The following ATP6V1D variants were observed in gnomAD, a reference collection of about 807,000 sequenced individuals.
ATP6V1D encodes V-type proton ATPase subunit D.
ATP6V1D carries 20 observed loss-of-function variants against 39.4 expected under a neutral mutation model. The ratio of observed to expected loss-of-function variants is 0.51; its 90% CI spans 0.36 to 0.74. The LOEUF is 0.74. ATP6V1D is among the 30% of genes least tolerant of loss of function. The pLI, the probability that ATP6V1D is intolerant of heterozygous loss-of-function variation, is 0.00. For synonymous variants in ATP6V1D, 100 were observed against 100.5 expected (o/e 0.99, Z 0.03); for missense variants, 228 against 291.6 (o/e 0.78, Z 1.59).
chr14:67,355,370 T>G (rs2141112911), intron 1 of ATP6V1D, among the ~76,000 whole-genome samples: 1 of 148,792 alleles, frequency 6.7e-6, no homozygotes, highest in East Asian at 2.0e-4. Flanking sequence ...ATTTCTGTTC[T>G]TGCTGCCATA....
intron 5 of ATP6V1D, among the ~76,000 whole-genome samples, chr14:67,346,378 C>G (rs568315512): frequency 1.3e-5 from 2 of 152,348 alleles, no homozygotes; most frequent in East Asian, 1.9e-4. Context: ...GTGGTGCGAT[C>G]TCAGCTCACT....
chr14:67,354,266 T>C (rs541669049), intron 1 of ATP6V1D, among the ~76,000 whole-genome samples: 1 of 152,338 alleles, frequency 6.6e-6, no homozygotes, highest in South Asian at 2.1e-4. Flanking sequence ...TATTAAATCA[T>C]CATAAATGTT....
intron 7 of ATP6V1D, among the ~76,000 whole-genome samples, chr14:67,341,623 G>A (rs1363602915): frequency 1.3e-4 from 20 of 149,824 alleles, no homozygotes; most frequent in African/African-American, 3.4e-4. Context: ...GCCTCTGCCC[G>A]GCCACCCCTA....
chr14:67,338,922 T>TA (rs953887739), intron 8 of ATP6V1D, among the ~76,000 whole-genome samples, 160 bp from the exon 9 acceptor site: 41 of 151,758 alleles, frequency 2.7e-4, no homozygotes, highest in African/African-American at 9.0e-4. Context: ...TAATCCTTTT[T>TA]AAAAAACATA....
At chr14:67,359,219 T>C (rs1291832783) in intron 1 of ATP6V1D, among the ~76,000 whole-genome samples, 2 of 152,200 alleles carry the variant, frequency 1.3e-5, no homozygotes, top group Admixed American at 1.3e-4. Context: ...ACCTCTTCTA[T>C]ATCCTCAGTA....
At position 67,359,740 on chromosome 14, in the gene ATP6V1D, C is replaced by G; in HGVS notation, c.-42G>C. 1.9e-6 allele frequency: 3 copies of G among 1,612,500 alleles called. No individual in the cohort carries two copies. Among genetic ancestry groups the G allele is most frequent in the Non-Finnish European group, 2.5e-6 (3 of 1,179,368 alleles). ...CGGCTCGGGTCCCCGGCCGGGCAAC[C>G]GAGGCTGCAATAGCTCCAGAACTGG... On this transcript the variant is annotated 5_prime_UTR_variant, in exon 1 of 9. Coordinates refer to ENST00000216442, the MANE Select transcript of ATP6V1D (RefSeq NM_015994.4).
chr14:67,338,579 A>G lies in ATP6V1D; in HGVS notation c.*42T>C. On this transcript the variant is annotated 3_prime_UTR_variant, in exon 9 of 9. Transcript: ENST00000216442. ...AACCTACACACTGTGAATTAAAATG[A>G]AGCCAGTGTTAGGGTTTCTCAAAGA... 6.3e-7 allele frequency: 1 copy of G among 1,583,528 alleles called. No homozygotes were observed. Among genetic ancestry groups the G allele is most frequent in the East Asian group, 2.2e-5 (1 of 44,480 alleles).
intron 5 of ATP6V1D, among the ~76,000 whole-genome samples, chr14:67,346,599 G>C (rs1257625519): frequency 6.6e-6 from 1 of 152,242 alleles, no homozygotes; most frequent in Non-Finnish European, 1.5e-5. Flanking sequence ...GCAGGTGTGA[G>C]CCACTGTGCC....
At chr14:67,356,155 C>T (rs2085683661) in intron 1 of ATP6V1D, among the ~76,000 whole-genome samples, 1 of 152,066 alleles carries the variant, frequency 6.6e-6, no homozygotes, top group Admixed American at 6.6e-5. Flanking sequence ...TGCAGTGGCT[C>T]ACACCTGTAA....
Position 67,343,372 on chromosome 14 carries a change from C to T in ATP6V1D, c.523G>A (p.Val175Ile), listed in dbSNP as rs1383952735. The change falls in exon 7 of 9, where the codon GTC becomes ATC. Residue 175 changes from valine to isoleucine, a missense_variant and splice_region_variant. Around this residue, in one of 3 missense-constraint regions of ATP6V1D, gnomAD observed 114 missense variants for 128.3 expected, o/e 0.89. Transcript: ENST00000216442. ...GCACCTCACAGTACCTAATACTCAC[C>T]ATGTTCAATGGCATTTACACGCCTG... Reference protein sequence around the residue: ...TNRRVNAIEHVIIPRIERTLA... With the variant: ...TNRRVNAIEHIIIPRIERTLA... The T allele has an allele frequency of 6.2e-7, 1 of 1,610,254 alleles. No homozygotes were observed. Among genetic ancestry groups the T allele is most frequent in the South Asian group, 1.1e-5 (1 of 90,850 alleles).
chr14:67,349,792 C>T (rs2085644544), intron 3 of ATP6V1D, among the ~76,000 whole-genome samples: 2 of 152,202 alleles, frequency 1.3e-5, no homozygotes, highest in Non-Finnish European at 2.9e-5. Context: ...TGATTGATCT[C>T]CACCCTCTGC....
chr14:67,354,883 G>A lies in ATP6V1D; in HGVS notation c.42-1843C>T, dbSNP rs546164778. ...GGCTAGAGTGCAATGGCGCGATCTC[G>A]GCTCACTGCAACCTCTGCCTCCCAG... On this transcript the variant is annotated intron_variant, in intron 1 of 8. Coordinates refer to ENST00000216442, the MANE Select transcript of ATP6V1D (RefSeq NM_015994.4). 2.6e-5 allele frequency among the ~76,000 whole-genome samples: 4 copies of A among 152,176 alleles called. No homozygotes were observed. The South Asian group carries it at 8.3e-4, about 32-fold the overall frequency.
At chr14:67,343,546 C>T in intron 6 of ATP6V1D, 108 bp from the exon 7 acceptor site, 2 of 822,438 alleles carry the variant, frequency 2.4e-6, no homozygotes, top group Non-Finnish European at 3.9e-6. Context: ...AGAACCAAGA[C>T]AACTTCTTTT....
chr14:67,347,501 T>TA, intron 4 of ATP6V1D, 48 bp from the exon 5 acceptor site: 1 of 1,232,054 alleles, frequency 8.1e-7, no homozygotes, highest in East Asian at 3.0e-5. Flanking sequence ...TTAAGTTCTC[T>TA]CTTTTTTTTT....
chr14:67,343,580 C>A (rs2085601074), intron 6 of ATP6V1D, 142 bp from the exon 7 acceptor site: 1 of 629,328 alleles, frequency 1.6e-6, no homozygotes, highest in South Asian at 2.1e-5. Context: ...AAACAAAATT[C>A]TTAGGCTGGG....
At position 67,359,776 on chromosome 14, in the gene ATP6V1D, G is replaced by A. The variant is rs936580211; in HGVS notation, c.-78C>T. ...TAGCTCCAGAACTGGCCTCCACAGT[G>A]TCTTCCTCTACGGGAGTCAGCTGGT... On this transcript the variant is annotated 5_prime_UTR_variant, in exon 1 of 9. Coordinates refer to ENST00000216442, the MANE Select transcript of ATP6V1D (RefSeq NM_015994.4). 6.5e-7 allele frequency: 1 copy of A among 1,542,492 alleles called. No individual in the cohort carries two copies. The highest frequency in any genetic ancestry group is 1.4e-5 in the African/African-American group (1 of 73,554).
chr14:67,359,691 C>G lies in ATP6V1D; in HGVS notation c.8G>C (p.Gly3Ala). 5 of 1,614,022 alleles carry G rather than the reference C, an allele frequency of 3.1e-6. No individual in the cohort carries two copies. Among genetic ancestry groups the G allele is most frequent in the Non-Finnish European group, 4.2e-6 (5 of 1,180,002 alleles). MSGKDRIEIFPSR... is the reference protein window; with the variant it reads MSAKDRIEIFPSR... ...GGGAAAGATTTCAATTCGGTCTTTG[C>G]CCGACATTCTGACGATAACTTTTCG... is the stretch of plus-strand genomic sequence containing the variant. Residue 3 changes from glycine (G) to alanine (A), a missense_variant, in exon 1 of 9, where the codon GGC becomes GCC. Physicochemically the swap from Gly to Ala is moderately conservative, Grantham distance 60 (BLOSUM62 0). Around this residue, in one of 3 missense-constraint regions of ATP6V1D, gnomAD observed 104 missense variants for 120.2 expected, o/e 0.87. Transcript: ENST00000216442.
chr14:67,347,333 T>C, intron 5 of ATP6V1D, 76 bp downstream of exon 5: 1 of 1,220,010 alleles, frequency 8.2e-7, no homozygotes. Context: ...AGCACCATTT[T>C]CCAGAACTTA....
chr14:67,356,357 G>GT (rs2085684790), intron 1 of ATP6V1D, among the ~76,000 whole-genome samples: 1 of 151,486 alleles, frequency 6.6e-6, no homozygotes, highest in African/African-American at 2.4e-5. Flanking sequence ...GCAGGCAGAG[G>GT]TTGCAGTGAG....
Sources: gnomAD v4.1 joint callset for allele counts (sites outside exome capture counted in the v4.1 genomes callset) on GRCh38, gnomAD v4.1.1 for gene constraint, gnomAD v4.1.1 regional missense constraint, MANE v1.5 for transcripts, NCBI Gene and HGNC (gene_info 2026-07-23, HGNC 2026-07-21) for gene names.